LY75: variants seen among roughly 807,000 people sequenced by gnomAD.
The protein encoded by LY75 is lymphocyte antigen 75.
LY75 carries 185 observed loss-of-function variants against 231.7 expected under a neutral mutation model. The observed-to-expected ratio is 0.80, with a 90% CI of 0.71 to 0.90. The LOEUF (loss-of-function observed/expected upper bound fraction) is 0.90, where lower values mean the gene tolerates loss of function less well. LY75 is among the 40% of genes least tolerant of loss of function. The pLI is 0.00. For synonymous variants in LY75, 668 were observed against 689.0 expected (o/e 0.97, Z 0.48); for missense variants, 1,947 against 2,050.2 (o/e 0.95, Z 0.97).
chr2:159,886,583 C>T, intron 4 of LY75, 53 bp from the exon 5 acceptor site: 1 of 1,511,298 alleles, frequency 6.6e-7, no homozygotes, highest in Non-Finnish European at 8.9e-7. Flanking sequence ...AAGTTATTAT[C>T]TAAATTAGAC....
At chr2:159,886,641 G>T in intron 4 of LY75, 111 bp from the exon 5 acceptor site, 1 of 1,116,140 alleles carries the variant, frequency 9.0e-7, no homozygotes, top group Non-Finnish European at 1.2e-6. Flanking sequence ...TTGTAAGGCA[G>T]CAATCCCTGT....
intron 28 of LY75, among the ~76,000 whole-genome samples, chr2:159,828,482 A>G (rs1683547877): frequency 1.3e-5 from 2 of 152,174 alleles, no homozygotes; most frequent in African/African-American, 4.8e-5. Context: ...TTAGATGGCT[A>G]TAATGAAAAA....
chr2:159,875,050 ATATG>A (rs1370616023), intron 12 of LY75, among the ~76,000 whole-genome samples: 1 of 147,456 alleles, frequency 6.8e-6, no homozygotes, highest in African/African-American at 2.5e-5. Flanking sequence ...ACAAATATAT[ATATG>A]TTTGTAAAAG....
intron 3 of LY75, among the ~76,000 whole-genome samples, chr2:159,890,620 A>G (rs531471402): frequency 1.3e-5 from 2 of 152,218 alleles, no homozygotes; most frequent in South Asian, 2.1e-4. Flanking sequence ...ATCCCTATCA[A>G]TTACAATGCT....
At position 159,898,939 on chromosome 2, in the gene LY75, T is replaced by A. The variant is rs765318160; in HGVS notation, c.215A>T (p.Gln72Leu). The A allele has an allele frequency of 6.2e-7, 1 of 1,614,264 alleles. No homozygotes were observed. The highest frequency in any genetic ancestry group is 1.7e-5 in the Admixed American group (1 of 60,026). Reference sequence around the variant, plus strand: ...GGAGTGCAAATGAAAGAGCCGATGCTGGGACACCCACTTCCATAACTTGTC... The same window carrying A: ...GGAGTGCAAATGAAAGAGCCGATGCAGGGACACCCACTTCCATAACTTGTC... ...TEDKLWKWVS[Q>L]HRLFHLHSQK... is the part of the protein sequence containing the mutation. Residue 72 changes from glutamine (Q) to leucine (L), a missense_variant, in exon 2 of 35, where the codon CAG becomes CTG. Gln to Leu is a moderately radical substitution (Grantham distance 113). Transcript: ENST00000263636.
intron 23 of LY75, among the ~76,000 whole-genome samples, chr2:159,846,909 A>G (rs1226270966): frequency 6.6e-6 from 1 of 152,224 alleles, no homozygotes; most frequent in Non-Finnish European, 1.5e-5. Flanking sequence ...TTTTCATTAG[A>G]AATCAGAGAA....
intron 11 of LY75, among the ~76,000 whole-genome samples, chr2:159,876,927 T>G (rs1463463372): frequency 7.0e-6 from 1 of 142,816 alleles, no homozygotes; most frequent in African/African-American, 2.6e-5. Context: ...GAGAATTGTT[T>G]GTACACGGGA....
intron 13 of LY75, 169 bp downstream of exon 13, chr2:159,872,282 C>T: frequency 1.4e-6 from 1 of 738,620 alleles, no homozygotes; most frequent in Non-Finnish European, 2.1e-6. Flanking sequence ...ATAGTGTCTG[C>T]ACATTAAGAG....
chr2:159,839,438 G>A (rs180682119), intron 25 of LY75, among the ~76,000 whole-genome samples: 1 of 152,320 alleles, frequency 6.6e-6, no homozygotes, highest in Admixed American at 6.5e-5. Context: ...ATTAGTAGGA[G>A]ACTAGCATTC....
At position 159,808,493 on chromosome 2, in the gene LY75, T is replaced by C; in HGVS notation, c.4778A>G (p.Asn1593Ser). The change falls in exon 33 of 35, where the codon AAC (asparagine) becomes AGC (serine). Residue 1593 changes from asparagine (N) to serine (S), a missense_variant. Transcript: ENST00000263636. Reference protein sequence around the residue: ...FVSRLMRENNNITMRVWLGLS... With the variant: ...FVSRLMRENNSITMRVWLGLS... Reference sequence around the variant, plus strand: ...TCCAAGCCAAACTCTCATGGTAATGTTATTATTTTCCCTCATCAGTCTGCT... The same window carrying C: ...TCCAAGCCAAACTCTCATGGTAATGCTATTATTTTCCCTCATCAGTCTGCT... 6.2e-7 allele frequency: 1 copy of C among 1,613,946 alleles called. No homozygotes were observed.
chr2:159,898,561 TG>T, intron 2 of LY75, 126 bp downstream of exon 2: 1 of 1,437,584 alleles, frequency 7.0e-7, no homozygotes, highest in Non-Finnish European at 9.3e-7. Context: ...GCACAGTGCC[TG>T]GAAGTGAAGA....
intron 23 of LY75, among the ~76,000 whole-genome samples, chr2:159,849,211 A>C (rs1337980226): frequency 6.6e-6 from 1 of 152,202 alleles, no homozygotes; most frequent in Non-Finnish European, 1.5e-5. Context: ...ATATCAGTTG[A>C]TTACTGTCTA....
Position 159,842,348 on chromosome 2 carries a change from G to C in LY75, c.3177C>G (p.His1059Gln), listed in dbSNP as rs1324748290. 1.8e-5 allele frequency: 29 copies of C among 1,611,684 alleles called. No individual in the cohort carries two copies. The highest frequency in any genetic ancestry group is 2.5e-5 in the Non-Finnish European group (29 of 1,178,596). ...TTTGGAGGTTGAGTATTAGGGCACA[G>C]TGGTAGCGAGACTCTTCCTCAAAAA... ...ENFFEEESRY[H>Q]CALILNLQKS... The change falls in exon 24 of 35, where the codon CAC (histidine) becomes CAG (glutamine). Residue 1059 changes from histidine to glutamine, a missense_variant. By Grantham distance (24) the His-to-Gln change is conservative. Transcript: ENST00000263636.
intron 25 of LY75, among the ~76,000 whole-genome samples, chr2:159,837,977 T>C (rs1683882889): frequency 6.6e-6 from 1 of 152,184 alleles, no homozygotes; most frequent in Admixed American, 6.5e-5. Flanking sequence ...TTTTATTTCT[T>C]CAAGCTGGGT....
chr2:159,806,725 C>G (rs1351514251), intron 34 of LY75, among the ~76,000 whole-genome samples: 1 of 152,180 alleles, frequency 6.6e-6, no homozygotes, highest in East Asian at 1.9e-4. Context: ...AATACCCTGG[C>G]AACTTCTGTT....
At position 159,840,821 on chromosome 2, in the gene LY75, C is replaced by A; in HGVS notation, c.3415G>T (p.Val1139Leu). 6.2e-7 allele frequency: 1 copy of A among 1,614,110 alleles called. No individual in the cohort carries two copies. Among genetic ancestry groups the A allele is most frequent in the Non-Finnish European group, 8.5e-7 (1 of 1,180,004 alleles). The change falls in exon 25 of 35, where the codon GTG becomes TTG. Residue 1139 changes from valine to leucine, a missense_variant. Transcript: ENST00000263636. ...TGCTGGTAAGGGTCCGTGATGCTCA[C>A]CAGCTGCATGTTACTTTTCAGACAC... Reference protein sequence around the residue: ...RECLKSNMQLVSITDPYQQAF... With the variant: ...RECLKSNMQLLSITDPYQQAF...
At chr2:159,827,843 A>G (rs1683521034) in intron 28 of LY75, among the ~76,000 whole-genome samples, 1 of 152,230 alleles carries the variant, frequency 6.6e-6, no homozygotes, top group African/African-American at 2.4e-5. Context: ...CAATCTCAGC[A>G]AATTAACACA....
At chr2:159,832,131 G>A (rs1340648582) in intron 27 of LY75, among the ~76,000 whole-genome samples, 2 of 152,094 alleles carry the variant, frequency 1.3e-5, no homozygotes, top group Non-Finnish European at 2.9e-5. Flanking sequence ...CAAAGATTAC[G>A]CTATAATAAT....
intron 2 of LY75, among the ~76,000 whole-genome samples, chr2:159,894,755 C>CG (rs1052175582): frequency 1.3e-5 from 2 of 152,172 alleles, no homozygotes; most frequent in Admixed American, 6.5e-5. Context: ...ATGTGACCGG[C>CG]GGGGGGCCAG....
Sources: allele counts gnomAD v4.1 joint callset (sites outside exome capture counted in the v4.1 genomes callset), GRCh38; gene constraint gnomAD v4.1.1; transcripts MANE v1.5; gene names NCBI Gene and HGNC (gene_info 2026-07-23, HGNC 2026-07-21).